HIGD1A: variants seen among roughly 807,000 people sequenced by gnomAD.
HIGD1A encodes HIG1 hypoxia inducible domain family member 1A, also known as HIG1 domain family member 1A, mitochondrial.
A neutral mutation model predicts 11.3 loss-of-function variants in HIGD1A; 8 were observed. The observed-to-expected ratio is 0.71, with a 90% CI of 0.42 to 1.28. The LOEUF (loss-of-function observed/expected upper bound fraction) is 1.28, where lower values mean the gene tolerates loss of function less well. Ranked by LOEUF, HIGD1A falls within the 50% of genes most tolerant of loss-of-function variation. The pLI is 0.01. For synonymous variants in HIGD1A, 32 were observed against 38.4 expected (o/e 0.83, Z 0.62); for missense variants, 107 against 118.8 (o/e 0.90, Z 0.46).
chr3:42,790,735 A>G (rs943839602), intron 2 of HIGD1A, among the ~76,000 whole-genome samples: 4 of 152,226 alleles, frequency 2.6e-5, no homozygotes, highest in African/African-American at 9.6e-5. Context: ...TATAAATTCA[A>G]TGTAATCCAA....
In HIGD1A at chr3:42,800,586, GT is replaced by G. The variant is rs997899605; in HGVS notation, c.-23+3849del. 1.8e-4 allele frequency among the ~76,000 whole-genome samples: 27 copies of G among 149,484 alleles called. 1 individual carries two copies. The highest frequency in any genetic ancestry group is 6.8e-3 in the Middle Eastern group (2 of 292). Reference sequence around the variant, plus strand: ...CCTCCCATTTTTTTTTTCAGGTTTGGTTTTTCTTTTTTTACACTGAGTCAGA... The same window carrying G: ...CCTCCCATTTTTTTTTTCAGGTTTGGTTTTCTTTTTTTACACTGAGTCAGA... On this transcript the variant is annotated intron_variant, in intron 1 of 3. Transcript: ENST00000321331.
chr3:42,801,336 A>G (rs1314544416), intron 1 of HIGD1A, among the ~76,000 whole-genome samples: 2 of 152,152 alleles, frequency 1.3e-5, no homozygotes, highest in African/African-American at 4.8e-5. Context: ...TTAAGTTCGT[A>G]AGTGCTTTGG....
intron 2 of HIGD1A, among the ~76,000 whole-genome samples, chr3:42,793,517 A>G (rs1392188879): frequency 6.6e-6 from 1 of 152,216 alleles, no homozygotes; most frequent in Admixed American, 6.5e-5. Context: ...CCTACACTTC[A>G]TTCTATATGT....
At chr3:42,795,410 T>TG (rs1321260279) in intron 1 of HIGD1A, among the ~76,000 whole-genome samples, 1 of 151,880 alleles carries the variant, frequency 6.6e-6, no homozygotes, top group Non-Finnish European at 1.5e-5. Flanking sequence ...TTAGTAGAGA[T>TG]GGGGTTTCAC....
intron 1 of HIGD1A, among the ~76,000 whole-genome samples, chr3:42,798,668 G>GGTC (rs1317057676): frequency 1.1e-4 from 1 of 8,966 alleles, no homozygotes; most frequent in African/African-American, 1.2e-4. Flanking sequence ...GAGGTGGGGG[G>GGTC]GGTCAGCCCC....
At chr3:42,789,503 A>C (rs1479387065) in intron 2 of HIGD1A, among the ~76,000 whole-genome samples, 1 of 126 alleles carries the variant, frequency 7.9e-3, no homozygotes, top group Non-Finnish European at 0.12. Flanking sequence ...TGTGTCTACA[A>C]AAAAAAAAAA....
chr3:42,790,026 T>C (rs1015180099), intron 2 of HIGD1A, among the ~76,000 whole-genome samples: 1 of 152,100 alleles, frequency 6.6e-6, no homozygotes, highest in African/African-American at 2.4e-5. Flanking sequence ...TCAGCCTTAT[T>C]TTTTATTAAA....
intron 2 of HIGD1A, among the ~76,000 whole-genome samples, chr3:42,789,600 C>T (rs1208288364): frequency 4.1e-5 from 6 of 147,786 alleles, no homozygotes; most frequent in Non-Finnish European, 7.5e-5. Flanking sequence ...TTAAGATTCA[C>T]GAAAGATGAA....
chr3:42,783,919 T>C lies in HIGD1A; in HGVS notation c.*1352A>G, dbSNP rs952982808. Reference sequence around the variant, plus strand: ...GGTGAAACCTCGTCTCTACTAAATATACAAAAATTAGCCAGGCATGTTGGT... The same window carrying C: ...GGTGAAACCTCGTCTCTACTAAATACACAAAAATTAGCCAGGCATGTTGGT... On this transcript the variant is annotated 3_prime_UTR_variant, in exon 4 of 4. Transcript: ENST00000321331. 2.0e-5 allele frequency among the ~76,000 whole-genome samples: 3 copies of C among 151,730 alleles called. No homozygotes were observed. Among genetic ancestry groups the C allele is most frequent in the Admixed American group, 6.6e-5 (1 of 15,230 alleles).
intron 1 of HIGD1A, among the ~76,000 whole-genome samples, chr3:42,799,702 C>A (rs1175635353): frequency 6.6e-6 from 1 of 151,970 alleles, no homozygotes; most frequent in African/African-American, 2.4e-5. Flanking sequence ...GTGATTTGCC[C>A]GCCTCAGCCT....
chr3:42,794,242 G>A lies in HIGD1A; in HGVS notation c.12C>T (p.Asp4=). The A allele has an allele frequency of 9.4e-6, 15 of 1,600,428 alleles. No homozygotes were observed. Among genetic ancestry groups the A allele is most frequent in the Non-Finnish European group, 1.1e-5 (13 of 1,176,124 alleles). The stretch of plus-strand genomic sequence containing the variant: ...CATATGAAGGAAGGGAAACACCTGT[G>A]TCTGTTGACATAGTGATTGCTTGAA... MST[D]TGVSLPSYEE... Residue 4 remains aspartate, a synonymous_variant, in exon 2 of 4, where the codon GAC becomes GAT. Transcript: ENST00000321331.
intron 1 of HIGD1A, among the ~76,000 whole-genome samples, chr3:42,795,494 A>G (rs13096498): frequency 0.26 from 39,087 of 152,012 alleles, 6,092 homozygotes; most frequent in East Asian, 0.69. Context: ...GATTACAGGC[A>G]TGAGCTACCA....
At chr3:42,790,861 G>T (rs1348726745) in intron 2 of HIGD1A, among the ~76,000 whole-genome samples, 2 of 152,116 alleles carry the variant, frequency 1.3e-5, no homozygotes, top group Non-Finnish European at 2.9e-5. Flanking sequence ...AGTTCAGTGG[G>T]TATTCGCAGG....
At chr3:42,795,900 A>G (rs1439312061) in intron 1 of HIGD1A, among the ~76,000 whole-genome samples, 3 of 152,212 alleles carry the variant, frequency 2.0e-5, no homozygotes, top group Non-Finnish European at 4.4e-5. Flanking sequence ...ATTGCAATAA[A>G]CTTTACTCAC....
rs953014140 is a variant in HIGD1A at position 42,783,631 on chromosome 3, C to G, written c.*1640G>C. The stretch of plus-strand genomic sequence containing the variant: ...CTCTGTCTCAAAATAAACAAACAAA[C>G]AAACAAACAAACAGTATAAGAGTAA... On this transcript the variant is annotated 3_prime_UTR_variant, in exon 4 of 4. Transcript: ENST00000321331. Among the ~76,000 whole-genome samples the G allele has an allele frequency of 6.6e-6, 1 of 151,984 alleles. No individual in the cohort carries two copies. Among genetic ancestry groups the G allele is most frequent in the South Asian group, 2.1e-4 (1 of 4,820 alleles).
In HIGD1A at chr3:42,786,053, G is replaced by C; in HGVS notation, c.207C>G (p.Gly69=). 1 of 1,612,812 alleles carries C rather than the reference G, an allele frequency of 6.2e-7. No individual in the cohort carries two copies. The highest frequency in any genetic ancestry group is 8.5e-7 in the Non-Finnish European group (1 of 1,179,960). Reference sequence around the variant, plus strand: ...CAACAGTCATTGCTCCTACAACAAAGCCTTGGGCTGCCACACGCATGTGGA... The same window carrying C: ...CAACAGTCATTGCTCCTACAACAAACCCTTGGGCTGCCACACGCATGTGGA... ...HLIHMRVAAQ[G]FVVGAMTVGM... The change falls in exon 3 of 4, where the codon GGC becomes GGG. Residue 69 remains glycine (G), a synonymous_variant. Coordinates refer to ENST00000321331, the MANE Select transcript of HIGD1A (RefSeq NM_014056.4).
intron 2 of HIGD1A, among the ~76,000 whole-genome samples, chr3:42,793,339 T>C (rs1264818043): frequency 6.6e-6 from 1 of 152,184 alleles, no homozygotes; most frequent in African/African-American, 2.4e-5. Flanking sequence ...CAGTCACAGC[T>C]GACACCTCAA....
At chr3:42,800,666 G>A (rs1700545811) in intron 1 of HIGD1A, among the ~76,000 whole-genome samples, 2 of 150,204 alleles carry the variant, frequency 1.3e-5, no homozygotes, top group African/African-American at 2.5e-5. Context: ...GTATAAAATA[G>A]CAGTTGATTT....
At chr3:42,792,777 C>T (rs1432819725) in intron 2 of HIGD1A, among the ~76,000 whole-genome samples, 26 of 151,646 alleles carry the variant, frequency 1.7e-4, no homozygotes, top group South Asian at 6.2e-4. Context: ...ATCAGGAGTT[C>T]GAGACCAGCC....
Sources: gnomAD v4.1 joint callset for allele counts (sites outside exome capture counted in the v4.1 genomes callset) on GRCh38, gnomAD v4.1.1 for gene constraint, MANE v1.5 for transcripts, NCBI Gene and HGNC (gene_info 2026-07-23, HGNC 2026-07-21) for gene names.